RABGAP1L: variants seen among roughly 807,000 people sequenced by gnomAD.
RABGAP1L encodes the protein RAB GTPase activating protein 1 like.
In RABGAP1L, 63 loss-of-function variants were observed where a neutral mutation model predicts 137.7. The ratio of observed to expected loss-of-function variants is 0.46; its 90% CI spans 0.37 to 0.56. RABGAP1L has a LOEUF of 0.56. RABGAP1L is among the 20% of genes least tolerant of loss of function. RABGAP1L has a pLI of 0.00. For synonymous variants in RABGAP1L, 431 were observed against 433.7 expected (o/e 0.99, Z 0.08); for missense variants, 1,095 against 1,244.0 (o/e 0.88, Z 1.80).
chr1:174,708,626 T>C (rs1680240232), intron 17 of RABGAP1L, among the ~76,000 whole-genome samples: 1 of 152,146 alleles, frequency 6.6e-6, no homozygotes, highest in African/African-American at 2.4e-5. Context: ...ATACTACACT[T>C]TTCCCATGGT....
chr1:174,443,999 G>A lies in RABGAP1L; in HGVS notation c.1710+49854G>A, dbSNP rs571231535. 2.0e-5 allele frequency among the ~76,000 whole-genome samples: 3 copies of A among 151,978 alleles called. No individual in the cohort carries two copies. The South Asian group carries it at 6.2e-4, about 32-fold the overall frequency. The stretch of plus-strand genomic sequence containing the variant: ...AATTTAGGTTGACTATAAATGTGTA[G>A]ATTTATTTCTGGTTTCTCTGTTCTA... On this transcript the variant is annotated intron_variant, in intron 13 of 25. Transcript: ENST00000681986.
intron 14 of RABGAP1L, among the ~76,000 whole-genome samples, chr1:174,645,986 G>T (rs899758236): frequency 5.3e-5 from 8 of 152,036 alleles, no homozygotes; most frequent in African/African-American, 1.9e-4. Flanking sequence ...TCATATGTTT[G>T]TTGGCCACAT....
intron 1 of RABGAP1L, among the ~76,000 whole-genome samples, chr1:174,194,552 A>G (rs1310070340): frequency 6.6e-6 from 1 of 152,092 alleles, no homozygotes; most frequent in Non-Finnish European, 1.5e-5. Context: ...TTAATTCTAA[A>G]GCCTGGGACT....
rs187744914 is a variant in RABGAP1L at position 174,459,160 on chromosome 1, A to G, written c.1710+65015A>G. ...AAATACAAAGCAATTTTAAAGAGCC[A>G]CAATTTATATTTACACAAAATTAAG... On this transcript the variant is annotated intron_variant, in intron 13 of 25. Transcript: ENST00000681986. 8.7e-4 allele frequency among the ~76,000 whole-genome samples: 133 copies of G among 152,290 alleles called. 1 individual carries two copies. Among genetic ancestry groups the G allele is most frequent in the Admixed American group, 2.9e-3 (44 of 15,304 alleles).
At chr1:174,617,316 C>G (rs1401179215) in intron 13 of RABGAP1L, among the ~76,000 whole-genome samples, 1 of 152,120 alleles carries the variant, frequency 6.6e-6, no homozygotes, top group East Asian at 1.9e-4. Context: ...CAGCAACTGA[C>G]CCTCTCGAAT....
chr1:174,460,729 T>C (rs1656593340), intron 13 of RABGAP1L, among the ~76,000 whole-genome samples: 1 of 152,186 alleles, frequency 6.6e-6, no homozygotes, highest in Admixed American at 6.5e-5. Context: ...TCTACATTAA[T>C]AAATAAATTA....
intron 11 of RABGAP1L, among the ~76,000 whole-genome samples, chr1:174,349,543 G>A (rs1349890057): frequency 2.5e-4 from 32 of 127,812 alleles, no homozygotes; most frequent in African/African-American, 8.5e-4. Flanking sequence ...GGGCAGAGGC[G>A]CCCCTCACCT....
At chr1:174,201,320 C>T (rs947594135) in intron 1 of RABGAP1L, among the ~76,000 whole-genome samples, 2 of 151,232 alleles carry the variant, frequency 1.3e-5, no homozygotes, top group African/African-American at 4.9e-5. Flanking sequence ...CCTCAGCCTC[C>T]CGAGTAGCTG....
intron 21 of RABGAP1L, among the ~76,000 whole-genome samples, chr1:174,970,958 TATA>T (rs1670081450): frequency 6.6e-6 from 1 of 151,978 alleles, no homozygotes; most frequent in African/African-American, 2.4e-5. Context: ...AGTAAACATT[TATA>T]ATGTTTGCAT....
chr1:174,442,309 TA>T (rs1323756845), intron 13 of RABGAP1L, among the ~76,000 whole-genome samples: 1 of 152,180 alleles, frequency 6.6e-6, no homozygotes, highest in Non-Finnish European at 1.5e-5. Flanking sequence ...TATTTCCCTA[TA>T]AAATAGGACT....
chr1:174,640,234 C>T (rs2148351250), intron 14 of RABGAP1L, among the ~76,000 whole-genome samples: 1 of 152,120 alleles, frequency 6.6e-6, no homozygotes, highest in East Asian at 1.9e-4. Context: ...TCTTGATTTA[C>T]TGTTATTTAG....
intron 13 of RABGAP1L, among the ~76,000 whole-genome samples, chr1:174,473,603 C>T (rs540221726): frequency 7.2e-5 from 11 of 152,126 alleles, no homozygotes; most frequent in Non-Finnish European, 1.6e-4. Flanking sequence ...GTTTTGGGGG[C>T]AGACCACAAA....
intron 13 of RABGAP1L, among the ~76,000 whole-genome samples, chr1:174,483,226 AC>A (rs1291485972): frequency 1.3e-5 from 2 of 151,972 alleles, no homozygotes; most frequent in Admixed American, 1.3e-4. Context: ...ACTAGGTTTT[AC>A]TCATACTTTC....
At chr1:174,966,195 T>G (rs1669605901) in intron 20 of RABGAP1L, among the ~76,000 whole-genome samples, 1 of 152,226 alleles carries the variant, frequency 6.6e-6, no homozygotes, top group African/African-American at 2.4e-5. Flanking sequence ...TTTTCACTTG[T>G]GCCAAATGAA....
At chr1:174,615,966 C>G (rs1028939488) in intron 13 of RABGAP1L, among the ~76,000 whole-genome samples, 6 of 152,230 alleles carry the variant, frequency 3.9e-5, no homozygotes, top group Admixed American at 6.5e-5. Context: ...ACCCGATTTT[C>G]CAGGTGCCGT....
At chr1:174,170,325 A>G (rs1047651992) in intron 1 of RABGAP1L, among the ~76,000 whole-genome samples, 3 of 152,190 alleles carry the variant, frequency 2.0e-5, no homozygotes, top group Non-Finnish European at 4.4e-5. Flanking sequence ...AGGAACGATT[A>G]TAATATCATC....
intron 19 of RABGAP1L, among the ~76,000 whole-genome samples, chr1:174,856,928 A>G (rs1649412144): frequency 6.9e-6 from 1 of 144,394 alleles, no homozygotes; most frequent in Non-Finnish European, 1.5e-5. Flanking sequence ...CTCCGTCTCC[A>G]AAAAAAAAAA....
chr1:174,877,748 ACACT>A (rs1403897752), intron 19 of RABGAP1L: 7 of 806,050 alleles, frequency 8.7e-6, no homozygotes, highest in African/African-American at 8.7e-5. Flanking sequence ...ACATAATTAA[ACACT>A]CATATAACAG....
At chr1:174,835,704 G>A (rs964324329) in intron 19 of RABGAP1L, among the ~76,000 whole-genome samples, 1 of 152,252 alleles carries the variant, frequency 6.6e-6, no homozygotes, top group Middle Eastern at 3.4e-3. Flanking sequence ...TGTTCTCATA[G>A]GGATTGTGAT....
Sources: allele counts gnomAD v4.1 joint callset (sites outside exome capture counted in the v4.1 genomes callset), GRCh38; gene constraint gnomAD v4.1.1; transcripts MANE v1.5; gene names NCBI Gene and HGNC (gene_info 2026-07-23, HGNC 2026-07-21).